Variants in CDYL observed in about 807,000 individuals in gnomAD.
CDYL encodes the protein chromodomain Y-like protein.
A neutral mutation model predicts 47.3 loss-of-function variants in CDYL; 8 were observed. That is an observed-to-expected ratio of 0.17 (90% CI 0.10 to 0.31). CDYL has a LOEUF of 0.31. CDYL is among the 10% of genes least tolerant of loss of function. The pLI, the probability that CDYL is intolerant of heterozygous loss-of-function variation, is 1.00. For missense variants in CDYL, 471 were observed against 701.4 expected (o/e 0.67, Z 3.71); for synonymous variants, 266 against 265.0 (o/e 1.00, Z -0.04).
intron 2 of CDYL, among the ~76,000 whole-genome samples, chr6:4,910,136 A>G (rs1891046): frequency 0.85 from 129,500 of 151,946 alleles, 55,311 homozygotes; most frequent in Admixed American, 0.9. Context: ...CATCTAAAAC[A>G]TAGCGCTCAG....
intron 1 of CDYL, among the ~76,000 whole-genome samples, chr6:4,889,494 A>G (rs1037224339): frequency 1.3e-5 from 2 of 152,116 alleles, no homozygotes; most frequent in African/African-American, 4.8e-5. Flanking sequence ...AAGTGCTGGA[A>G]TTACAGGCGT....
intron 1 of CDYL, among the ~76,000 whole-genome samples, chr6:4,819,728 C>T (rs1429157017): frequency 6.6e-6 from 1 of 152,130 alleles, no homozygotes; most frequent in East Asian, 1.9e-4. Flanking sequence ...AATTCACCCT[C>T]AAGGGACATT....
intron 3 of CDYL, among the ~76,000 whole-genome samples, chr6:4,751,308 A>G (rs1343578081): frequency 6.6e-6 from 1 of 152,194 alleles, no homozygotes; most frequent in Admixed American, 6.5e-5. Context: ...TCCGTTAGAA[A>G]TGCAGATTTT....
chr6:4,712,251 G>C (rs896583045), intron 1 of CDYL, among the ~76,000 whole-genome samples: 3 of 152,262 alleles, frequency 2.0e-5, no homozygotes, highest in Middle Eastern at 3.4e-3. Context: ...ATGTTCATGA[G>C]AGAATTAGAA....
upstream of CDYL, among the ~76,000 whole-genome samples, chr6:4,771,470 A>G (rs1758337137): frequency 1.3e-5 from 2 of 152,038 alleles, no homozygotes; most frequent in Admixed American, 1.3e-4. Context: ...AGTTTGGGGA[A>G]CCACACTTTG....
chr6:4,848,222 A>T (rs1760718668), intron 1 of CDYL, among the ~76,000 whole-genome samples: 1 of 152,210 alleles, frequency 6.6e-6, no homozygotes, highest in Non-Finnish European at 1.5e-5. Context: ...AAGCTCTCGA[A>T]CAGTGTCTGA....
intron 3 of CDYL, among the ~76,000 whole-genome samples, chr6:4,748,051 G>A (rs867862093): frequency 2.0e-5 from 3 of 152,168 alleles, no homozygotes; most frequent in African/African-American, 4.8e-5. Context: ...AGAGATATAT[G>A]TCATTCACAG....
chr6:4,716,445 A>T (rs1346818803), intron 2 of CDYL, among the ~76,000 whole-genome samples: 1 of 151,972 alleles, frequency 6.6e-6, no homozygotes, highest in Non-Finnish European at 1.5e-5. Flanking sequence ...ATTTCATTGC[A>T]GTGGTTAGTT....
chr6:4,773,140 A>ATTGAATTATG (rs1758362931), upstream of CDYL: 1 of 457,288 alleles, frequency 2.2e-6, no homozygotes, highest in East Asian at 6.9e-5. The surrounding 1 kb of genome is among the most constrained non-coding windows in gnomAD (Gnocchi z 4.6). Context: ...GGAGGAGAGA[A>ATTGAATTATG]TTGAATTATG....
chr6:4,906,955 A>G (rs532708886), intron 2 of CDYL, among the ~76,000 whole-genome samples: 2 of 152,316 alleles, frequency 1.3e-5, no homozygotes, highest in Admixed American at 1.3e-4. Flanking sequence ...AGGAATGTAT[A>G]TTGTGCAGTC....
At chr6:4,908,610 A>C (rs2127498651) in intron 2 of CDYL, among the ~76,000 whole-genome samples, 1 of 152,244 alleles carries the variant, frequency 6.6e-6, no homozygotes. Context: ...TTTTAAGCAT[A>C]AATGCTTCTA....
intron 5 of CDYL, among the ~76,000 whole-genome samples, chr6:4,943,988 C>G (rs1758439623): frequency 6.6e-6 from 1 of 152,128 alleles, no homozygotes; most frequent in African/African-American, 2.4e-5. Context: ...ACATGGATAT[C>G]TACTGTTAGT....
chr6:4,762,959 A>G (rs959143250), intron 3 of CDYL, among the ~76,000 whole-genome samples: 1 of 152,168 alleles, frequency 6.6e-6, no homozygotes, highest in Non-Finnish European at 1.5e-5. Flanking sequence ...ACCAGGATAA[A>G]TACACAAACG....
chr6:4,826,186 T>C (rs1440858322), intron 1 of CDYL, among the ~76,000 whole-genome samples: 2 of 152,254 alleles, frequency 1.3e-5, no homozygotes, highest in African/African-American at 4.8e-5. Flanking sequence ...GAGCAGGTGG[T>C]TTAGTATCCA....
At chr6:4,924,594 TG>T (rs1465780107) in intron 2 of CDYL, among the ~76,000 whole-genome samples, 1 of 152,246 alleles carries the variant, frequency 6.6e-6, no homozygotes, top group Non-Finnish European at 1.5e-5. Flanking sequence ...GAGCTCTTGC[TG>T]GTTGGTTTTT....
At chr6:4,830,687 T>A (rs1760113715) in intron 1 of CDYL, among the ~76,000 whole-genome samples, 2 of 151,962 alleles carry the variant, frequency 1.3e-5, no homozygotes, top group Admixed American at 1.3e-4. Flanking sequence ...TGTGACATGC[T>A]GGTGCACTGC....
At chr6:4,766,450 A>T (rs1758253166) in intron 3 of CDYL, among the ~76,000 whole-genome samples, 2 of 152,044 alleles carry the variant, frequency 1.3e-5, no homozygotes, top group South Asian at 4.1e-4. Flanking sequence ...ACCTCAGGTG[A>T]TCCACCTGCC....
chr6:4,774,960 A>G (rs1169379466), upstream of CDYL, among the ~76,000 whole-genome samples: 1 of 152,120 alleles, frequency 6.6e-6, no homozygotes, highest in Non-Finnish European at 1.5e-5. Context: ...GCAGTGACTT[A>G]AGGGTTGGCG....
intron 2 of CDYL, among the ~76,000 whole-genome samples, chr6:4,927,791 G>A (rs762430122): frequency 7.2e-5 from 11 of 152,106 alleles, no homozygotes; most frequent in East Asian, 1.9e-4. Flanking sequence ...CTAGCTTTTC[G>A]TCTGTGAAAT....
Sources: gnomAD v4.1 joint callset for allele counts (sites outside exome capture counted in the v4.1 genomes callset) on GRCh38, gnomAD v4.1.1 for gene constraint, Gnocchi (gnomAD v3.1) non-coding constraint, MANE v1.5 for transcripts, NCBI Gene and HGNC (gene_info 2026-07-23, HGNC 2026-07-21) for gene names.